Variants in ARHGEF15 observed in about 807,000 individuals in gnomAD.
ARHGEF15 encodes the protein Rho guanine nucleotide exchange factor (GEF) 15.
In ARHGEF15, 58 loss-of-function variants were observed where a neutral mutation model predicts 79.7. That is an observed-to-expected ratio of 0.73 (90% CI 0.59 to 0.91). The LOEUF is 0.91. Ranked by LOEUF, ARHGEF15 falls within the 40% of genes least tolerant of loss-of-function variation. The pLI is 0.00. For missense variants in ARHGEF15, 1,012 were observed against 1,108.1 expected (o/e 0.91, Z 1.23); for synonymous variants, 442 against 456.0 (o/e 0.97, Z 0.39).
Position 8,319,156 on chromosome 17 carries a change from C to T in ARHGEF15, c.2183C>T (p.Ser728Phe). Residue 728 changes from serine to phenylalanine, a missense_variant, in exon 13 of 16, where the codon TCC becomes TTC. Physicochemically the swap from Ser to Phe is radical, Grantham distance 155. This residue lies in a region of ARHGEF15 where 62 missense variants were observed against 101.3 expected (regional missense o/e 0.61). Coordinates refer to ENST00000361926, the MANE Select transcript of ARHGEF15 (RefSeq NM_173728.4). ...RPTHRLLQASSLSDMQRWLGA... is the reference protein window; with the variant it reads ...RPTHRLLQASFLSDMQRWLGA... ...ACCCACCGACTACTCCAAGCTTCTTCCCTGTGAGTTGTGTTTCCCTCAGAA... is the reference window on the plus strand; with the variant it reads ...ACCCACCGACTACTCCAAGCTTCTTTCCTGTGAGTTGTGTTTCCCTCAGAA... 1.2e-6 allele frequency: 2 copies of T among 1,613,492 alleles called. No individual in the cohort carries two copies. The highest frequency in any genetic ancestry group is 1.7e-6 in the Non-Finnish European group (2 of 1,179,758).
In ARHGEF15 at chr17:8,313,466, T is replaced by A; in HGVS notation, c.935-35T>A. The A allele has an allele frequency of 3.1e-6, 5 of 1,593,902 alleles. No individual in the cohort carries two copies. In the South Asian group the frequency reaches 3.4e-5, roughly 11 times the overall value. On this transcript the variant is annotated intron_variant, in intron 3 of 15. Transcript: ENST00000361926. ...GGAGTCCTGGCTGGGGATCCTGGAG[T>A]TTTTTTTTCTCTTCACTCTGGCTTC...
In ARHGEF15 at chr17:8,321,096, CCT is replaced by C; in HGVS notation, c.*107_*108del. 6.7e-7 allele frequency: 1 copy of C among 1,493,582 alleles called. No individual in the cohort carries two copies. Among genetic ancestry groups the C allele is most frequent in the Non-Finnish European group, 9.2e-7 (1 of 1,091,332 alleles). The allele number at this position is 1,493,582 out of a possible 1,614,324, so 92.5% of individuals were successfully genotyped here. On this transcript the variant is annotated 3_prime_UTR_variant, in exon 16 of 16. Coordinates refer to ENST00000361926, the MANE Select transcript of ARHGEF15 (RefSeq NM_173728.4). ...GGATTCACTGTCAGTGGAGATACTA[CCT>C]CTCGTGGCAACCATAGAGATCGAGC...
chr17:8,317,682 A>G (rs1905113414), intron 9 of ARHGEF15, among the ~76,000 whole-genome samples: 2 of 152,196 alleles, frequency 1.3e-5, no homozygotes, highest in Non-Finnish European at 2.9e-5. Flanking sequence ...TACAGAAATA[A>G]TTGATGGAGA....
At position 8,316,156 on chromosome 17, in the gene ARHGEF15, TC is replaced by T; in HGVS notation, c.1704+11del. ...CTGCGCATGCTGCTGCAGGTACCTG[TC>T]CCAGCTGCGGCCGTTTCTGCCCCAC... is the stretch of plus-strand genomic sequence containing the variant. On this transcript the variant is annotated intron_variant, in intron 9 of 15. Transcript: ENST00000361926. The T allele has an allele frequency of 1.2e-6, 2 of 1,600,978 alleles. No homozygotes were observed.
chr17:8,310,895 C>G (rs914981514), intron 1 of ARHGEF15: 2 of 151,794 alleles, frequency 1.3e-5, no homozygotes, highest in Non-Finnish European at 2.9e-5. Context: ...ACCTGGGTTC[C>G]TAAGGGTGGG....
Position 8,321,101 on chromosome 17 carries a change from C to T in ARHGEF15, c.*108C>T, listed in dbSNP as rs1384827115. 6.8e-7 allele frequency: 1 copy of T among 1,462,778 alleles called. No homozygotes were observed. The highest frequency in any genetic ancestry group is 2.3e-5 in the East Asian group (1 of 42,684). 90.6% of individuals were successfully genotyped at this position (1,462,778 alleles called of 1,614,324 possible). On this transcript the variant is annotated 3_prime_UTR_variant, in exon 16 of 16. Coordinates refer to ENST00000361926, the MANE Select transcript of ARHGEF15 (RefSeq NM_173728.4). Reference sequence around the variant, plus strand: ...CACTGTCAGTGGAGATACTACCTCTCGTGGCAACCATAGAGATCGAGCTTC... The same window carrying T: ...CACTGTCAGTGGAGATACTACCTCTTGTGGCAACCATAGAGATCGAGCTTC...
In ARHGEF15 at chr17:8,319,393, T is replaced by C; in HGVS notation, c.2268T>C (p.Cys756=). Residue 756 remains cysteine (C), a splice_region_variant and synonymous_variant, in exon 14 of 16, where the codon TGT becomes TGC. Coordinates refer to ENST00000361926, the MANE Select transcript of ARHGEF15 (RefSeq NM_173728.4). ...PCSPDTIYED[C]DCSQELCSES... ...CCCCAGACACCATCTATGAGGACTG[T>C]GGTGAGTATCCCCCTAGAGGGGATG... 1.2e-6 allele frequency: 2 copies of C among 1,613,058 alleles called. No homozygotes were observed. Among genetic ancestry groups the C allele is most frequent in the Non-Finnish European group, 1.7e-6 (2 of 1,179,596 alleles).
Position 8,315,703 on chromosome 17 carries a change from G to T in ARHGEF15, c.1422-52G>T. ...TCCCAAACCTTCTCTCAAGAACCCG[G>T]GAGACCTGGCTCTCTGCCCCGCCCC... On this transcript the variant is annotated intron_variant, in intron 7 of 15. Transcript: ENST00000361926. This position sits in a 1 kb window ranked among gnomAD's most constrained non-coding sequence, Gnocchi z 4.3. 6.3e-7 allele frequency: 1 copy of T among 1,596,726 alleles called. No individual in the cohort carries two copies.
intron 4 of ARHGEF15, chr17:8,313,856 C>T (rs1036832340): frequency 3.4e-6 from 1 of 291,252 alleles, no homozygotes; most frequent in Non-Finnish European, 6.3e-6. Flanking sequence ...GTGGTGAAAC[C>T]CTGTCTCTAC....
intron 9 of ARHGEF15, among the ~76,000 whole-genome samples, chr17:8,316,776 C>T (rs952254098): frequency 1.3e-5 from 2 of 152,096 alleles, no homozygotes; most frequent in African/African-American, 4.8e-5. Flanking sequence ...CTTTCTTCCT[C>T]CTCCTCCTCC....
Position 8,319,347 on chromosome 17 carries a change from C to A in ARHGEF15, c.2222C>A (p.Thr741Asn), listed in dbSNP as rs1905227743. Residue 741 changes from threonine (T) to asparagine (N), a missense_variant, in exon 14 of 16, where the codon ACC becomes AAC. This residue lies in a region of ARHGEF15 where 132 missense variants were observed against 124.2 expected (regional missense o/e 1.06). Transcript: ENST00000361926. The part of the protein sequence containing the change: ...DMQRWLGAFP[T>N]PGPLPCSPDT... ...CAGCGCTGGCTGGGAGCCTTCCCAA[C>A]CCCAGGCCCCCTTCCCTGCTCCCCA... 5.6e-6 allele frequency: 9 copies of A among 1,613,974 alleles called. No homozygotes were observed. The highest frequency in any genetic ancestry group is 7.6e-6 in the Non-Finnish European group (9 of 1,180,018).
At position 8,312,017 on chromosome 17, in the gene ARHGEF15, T is replaced by A. The variant is rs1567673387; in HGVS notation, c.-23T>A. ...GGATGACTCCAGCAGAGCACCTCAC[T>A]CCTTTGAAGAGCACAGAGGAAGATG... is the stretch of plus-strand genomic sequence containing the variant. On this transcript the variant is annotated 5_prime_UTR_variant, in exon 2 of 16. Transcript: ENST00000361926. The A allele has an allele frequency of 1.3e-6, 2 of 1,549,138 alleles. No individual in the cohort carries two copies. The highest frequency in any genetic ancestry group is 2.5e-5 in the South Asian group (2 of 80,340).
chr17:8,314,477 G>A (rs1409113829), intron 4 of ARHGEF15, among the ~76,000 whole-genome samples: 1 of 151,980 alleles, frequency 6.6e-6, no homozygotes, highest in Non-Finnish European at 1.5e-5. Flanking sequence ...ACACAAATAG[G>A]GCGTTCCAGA....
intron 15 of ARHGEF15, 102 bp downstream of exon 15, chr17:8,319,705 G>GA: frequency 4.3e-6 from 4 of 926,252 alleles, no homozygotes; most frequent in Non-Finnish European, 6.0e-6. Flanking sequence ...GTGTGAGCTC[G>GA]GCTCACTGCA....
At chr17:8,320,300 AAAG>A (rs1257925310) in intron 15 of ARHGEF15, among the ~76,000 whole-genome samples, 3 of 152,128 alleles carry the variant, frequency 2.0e-5, no homozygotes, top group Non-Finnish European at 4.4e-5. Context: ...TGAGCAGAGC[AAAG>A]AAGGTCAGGA....
At chr17:8,313,682 T>C in intron 4 of ARHGEF15, 127 bp downstream of exon 4, 3 of 949,536 alleles carry the variant, frequency 3.2e-6, no homozygotes, top group Non-Finnish European at 1.6e-6. Context: ...GCCAGGGCTC[T>C]AGAGATAAGC....
chr17:8,314,742 CAAAAAAAAAAA>C, intron 4 of ARHGEF15, 153 bp from the exon 5 acceptor site: 3 of 297,742 alleles, frequency 1.0e-5, no homozygotes, highest in Non-Finnish European at 1.7e-5. Flanking sequence ...CTTTCCCCTT[CAAAAAAAAAAA>C]AAAAAAAAAA....
chr17:8,312,069 A>AGGGGGGGGGGGGGGGG lies in ARHGEF15; in HGVS notation c.30_31insGGGGGGGGGGGGGGGG (p.Pro11GlyfsTer47). ...CAGCCCAGTCCCTTCCTGCAGCAAC[A>AGGGGGGGGGGGGGGGG]CCCCCCACGCAGAAGCCCCCTCGGA... On this transcript the variant is annotated frameshift_variant, in exon 2 of 16. Coordinates refer to ENST00000361926, the MANE Select transcript of ARHGEF15 (RefSeq NM_173728.4). LOFTEE classifies it high-confidence loss of function. 1 of 1,348,752 alleles carries AGGGGGGGGGGGGGGGG rather than the reference A, an allele frequency of 7.4e-7. No homozygotes were observed. Among genetic ancestry groups the AGGGGGGGGGGGGGGGG allele is most frequent in the Non-Finnish European group, 9.9e-7 (1 of 1,009,180 alleles). 83.5% of individuals were successfully genotyped at this position (1,348,752 alleles called of 1,614,324 possible).
At position 8,315,924 on chromosome 17, in the gene ARHGEF15, TG is replaced by T; in HGVS notation, c.1574+21del. ...CCGCCTCATGTGAGTGTCCCAGGGG[TG>T]GGGAGGAAGCTGGGGAGAGGGATGG... is the stretch of plus-strand genomic sequence containing the variant. On this transcript the variant is annotated intron_variant, in intron 8 of 15. Coordinates refer to ENST00000361926, the MANE Select transcript of ARHGEF15 (RefSeq NM_173728.4). This position sits in a 1 kb window ranked among gnomAD's most constrained non-coding sequence, Gnocchi z 4.3. The T allele has an allele frequency of 6.2e-7, 1 of 1,605,940 alleles. No individual in the cohort carries two copies.
Sources: allele counts gnomAD v4.1 joint callset (sites outside exome capture counted in the v4.1 genomes callset), GRCh38; gene constraint gnomAD v4.1.1; regional missense constraint gnomAD v4.1.1; non-coding constraint Gnocchi (gnomAD v3.1); transcripts MANE v1.5; gene names NCBI Gene and HGNC (gene_info 2026-07-23, HGNC 2026-07-21).